Variants in EPHB2 observed in about 807,000 individuals in gnomAD.
The protein encoded by EPHB2 is ephrin type-B receptor 2.
Under a neutral mutation model 96.4 loss-of-function variants are expected in EPHB2, and 18 were observed. The ratio of observed to expected loss-of-function variants is 0.19; its 90% CI spans 0.13 to 0.28. The LOEUF (loss-of-function observed/expected upper bound fraction) is 0.28. EPHB2 is among the 10% of genes least tolerant of loss of function. The pLI is 1.00. For synonymous variants in EPHB2, 506 were observed against 534.1 expected (o/e 0.95, Z 0.72); for missense variants, 989 against 1,355.4 (o/e 0.73, Z 4.25).
intron 1 of EPHB2, among the ~76,000 whole-genome samples, chr1:22,724,195 C>T (rs1385290393): frequency 1.3e-5 from 2 of 152,218 alleles, no homozygotes; most frequent in Non-Finnish European, 2.9e-5. Context: ...CATTTGCTCT[C>T]CTGTGTGTTC....
chr1:22,712,361 C>G (rs1557629482), intron 1 of EPHB2, among the ~76,000 whole-genome samples: 1 of 152,212 alleles, frequency 6.6e-6, no homozygotes, highest in Non-Finnish European at 1.5e-5. Flanking sequence ...TGAGCCCTTC[C>G]AGGGTTCTGC....
intron 6 of EPHB2, among the ~76,000 whole-genome samples, chr1:22,888,412 C>T (rs1639293921): frequency 6.6e-6 from 1 of 152,190 alleles, no homozygotes; most frequent in Admixed American, 6.5e-5. Flanking sequence ...GTGCTAGAGA[C>T]TGTGCTAAAA....
At chr1:22,735,051 G>C (rs1643796459) in intron 1 of EPHB2, among the ~76,000 whole-genome samples, 1 of 152,178 alleles carries the variant, frequency 6.6e-6, no homozygotes, top group Admixed American at 6.5e-5. Context: ...CTGCACAGCA[G>C]GGCTATGAAC....
intron 3 of EPHB2, among the ~76,000 whole-genome samples, chr1:22,824,271 G>A (rs531202352): frequency 6.9e-4 from 104 of 151,782 alleles, no homozygotes; most frequent in African/African-American, 2.4e-3. Flanking sequence ...GGGGAAGGAA[G>A]GGAGGGAGGG....
Position 22,862,080 on chromosome 1 carries a change from C to G in EPHB2, c.812-957C>G, listed in dbSNP as rs545238096. On this transcript the variant is annotated intron_variant, in intron 3 of 15. Transcript: ENST00000374630. ...GCTGAAGCTGGGAGAGGGGCAGGGC[C>G]TAGACCCTCAGCCTCCTGATTCTCA... Among the ~76,000 whole-genome samples, 3 of 152,376 alleles carry G rather than the reference C, an allele frequency of 2.0e-5. No individual in the cohort carries two copies. In the South Asian group the frequency reaches 6.2e-4, roughly 32 times the overall value.
chr1:22,882,900 G>A (rs767151859), intron 6 of EPHB2: 9 of 294,756 alleles, frequency 3.1e-5, no homozygotes, highest in East Asian at 1.8e-4. Context: ...GAGAGCTTCC[G>A]CCTGCCCTGC....
At chr1:22,801,559 G>A (rs1208994261) in intron 3 of EPHB2, among the ~76,000 whole-genome samples, 1 of 151,906 alleles carries the variant, frequency 6.6e-6, no homozygotes, top group Non-Finnish European at 1.5e-5. Context: ...TTCCAAGAAC[G>A]CTTCCTCCAG....
chr1:22,839,715 C>T (rs974410034), intron 3 of EPHB2, among the ~76,000 whole-genome samples: 4 of 152,140 alleles, frequency 2.6e-5, no homozygotes, highest in African/African-American at 7.2e-5. Context: ...GGATGAAGGA[C>T]ATCTATGAAC....
At chr1:22,782,053 G>A (rs910406126) in intron 2 of EPHB2, among the ~76,000 whole-genome samples, 26 of 152,148 alleles carry the variant, frequency 1.7e-4, no homozygotes, top group Middle Eastern at 3.4e-3. Flanking sequence ...ATCATCCTAG[G>A]GTCTATGCTG....
intron 1 of EPHB2, among the ~76,000 whole-genome samples, chr1:22,729,864 C>T (rs1466668505): frequency 6.6e-6 from 1 of 152,240 alleles, no homozygotes; most frequent in African/African-American, 2.4e-5. Context: ...TAGCATAGCG[C>T]CCAGCCCCTA....
chr1:22,913,053 C>A lies in EPHB2; in HGVS notation c.2853-409C>A. 2.8e-6 allele frequency: 1 copy of A among 353,912 alleles called. No individual in the cohort carries two copies. Among genetic ancestry groups the A allele is most frequent in the Non-Finnish European group, 5.5e-6 (1 of 182,468 alleles). 21.9% of individuals were successfully genotyped at this position (353,912 alleles called of 1,614,324 possible). On this transcript the variant is annotated intron_variant, in intron 15 of 15. Transcript: ENST00000374630. This position sits in a 1 kb window ranked among gnomAD's most constrained non-coding sequence, Gnocchi z 4.1. ...ACTAAAATGCAAAAAATTAGCCACG[C>A]AAGGTGGCATGCACCTGTAATGCCA...
chr1:22,910,396 T>C lies in EPHB2; in HGVS notation c.2517T>C (p.Ile839=), dbSNP rs1168725052. Reference sequence around the variant, plus strand: ...CATTGTCCCAGGTAATCAATGCCATTGAGCAGGACTATCGGCTGCCACCGC... The same window carrying C: ...CATTGTCCCAGGTAATCAATGCCATCGAGCAGGACTATCGGCTGCCACCGC... ...DMTNQDVINA[I]EQDYRLPPPM... Residue 839 remains isoleucine, a synonymous_variant, in exon 14 of 16, where the codon ATT becomes ATC. Coordinates refer to ENST00000374630, the MANE Select transcript of EPHB2 (RefSeq NM_017449.5). 6.2e-7 allele frequency: 1 copy of C among 1,614,064 alleles called. No homozygotes were observed. Among genetic ancestry groups the C allele is most frequent in the East Asian group, 2.2e-5 (1 of 44,890 alleles).
intron 3 of EPHB2, among the ~76,000 whole-genome samples, chr1:22,794,351 C>T (rs1429543948): frequency 1.3e-5 from 2 of 152,098 alleles, no homozygotes; most frequent in African/African-American, 2.4e-5. Context: ...AGTCCCAGGA[C>T]GAAGGCTCGG....
At position 22,784,227 on chromosome 1, in the gene EPHB2, T is replaced by C. The variant is rs928509242; in HGVS notation, c.127-165T>C. On this transcript the variant is annotated intron_variant, in intron 2 of 15. Transcript: ENST00000374630. This position sits in a 1 kb window ranked among gnomAD's most constrained non-coding sequence, Gnocchi z 5.1. ...ATACCAAGAGCAGGATGTGTGCCTT[T>C]CCCACCTGATTGGCATGTCTCCCCC... Among the ~76,000 whole-genome samples the C allele has an allele frequency of 1.3e-5, 2 of 152,156 alleles. No homozygotes were observed. Among genetic ancestry groups the C allele is most frequent in the Admixed American group, 1.3e-4 (2 of 15,280 alleles).
At chr1:22,836,120 C>G (rs1325847326) in intron 3 of EPHB2, 1 of 152,250 alleles carries the variant, frequency 6.6e-6, no homozygotes, top group Non-Finnish European at 1.5e-5. Flanking sequence ...TCGGGGGCCC[C>G]ACAGAGCAGC....
At chr1:22,866,565 G>T (rs1354719490) in intron 5 of EPHB2, among the ~76,000 whole-genome samples, 1 of 152,112 alleles carries the variant, frequency 6.6e-6, no homozygotes, top group Non-Finnish European at 1.5e-5. Flanking sequence ...CACCCAGCCA[G>T]TAGAATGTTG....
chr1:22,787,013 GTTTGTTCAGT>G lies in EPHB2; in HGVS notation c.811+1938_811+1947del, dbSNP rs1284685203. On this transcript the variant is annotated intron_variant, in intron 3 of 15. Transcript: ENST00000374630. ...GGAAACCAGCCACTCACTGTTGATG[GTTTGTTCAGT>G]CATCAAACTTTTACTGAGCCTGCTC... 4.6e-5 allele frequency among the ~76,000 whole-genome samples: 7 copies of G among 152,330 alleles called. No homozygotes were observed. The East Asian group carries it at 1.3e-3, about 29-fold the overall frequency.
intron 3 of EPHB2, among the ~76,000 whole-genome samples, chr1:22,788,009 C>T (rs1447704592): frequency 6.6e-6 from 1 of 152,162 alleles, no homozygotes; most frequent in Admixed American, 6.5e-5. Context: ...AGAGAGAATA[C>T]CAGCAAACAC....
At chr1:22,742,108 C>T (rs1240809564) in intron 1 of EPHB2, among the ~76,000 whole-genome samples, 1 of 152,168 alleles carries the variant, frequency 6.6e-6, no homozygotes, top group Non-Finnish European at 1.5e-5. Context: ...AGCCAGCATC[C>T]GACCCAGGCC....
Sources: gnomAD v4.1 joint callset for allele counts (sites outside exome capture counted in the v4.1 genomes callset) on GRCh38, gnomAD v4.1.1 for gene constraint, Gnocchi (gnomAD v3.1) non-coding constraint, MANE v1.5 for transcripts, NCBI Gene and HGNC (gene_info 2026-07-23, HGNC 2026-07-21) for gene names.